Variants in SLC25A36 observed in about 807,000 individuals in gnomAD.
SLC25A36 encodes epididymis secretory sperm binding protein.
SLC25A36 carries 24 observed loss-of-function variants against 35.3 expected under a neutral mutation model. That is an observed-to-expected ratio of 0.68 (90% CI 0.49 to 0.96). The LOEUF (loss-of-function observed/expected upper bound fraction) is 0.96. Ranked by LOEUF, SLC25A36 falls within the 40% of genes least tolerant of loss-of-function variation. SLC25A36 has a pLI of 0.00. For missense variants in SLC25A36, 294 were observed against 381.1 expected, an observed-to-expected ratio of 0.77 and a Z score of 1.90; for synonymous variants, 141 against 132.2, an observed-to-expected ratio of 1.07 and a Z score of -0.46.
At chr3:140,964,222 T>C (rs1324426309) in intron 4 of SLC25A36, 1 of 151,972 alleles carries the variant, frequency 6.6e-6, no homozygotes, top group Non-Finnish European at 1.5e-5. Flanking sequence ...AAGTTTGAAA[T>C]ACAAATTTCT....
chr3:140,960,942 A>C (rs916103670), intron 3 of SLC25A36, among the ~76,000 whole-genome samples: 1 of 152,214 alleles, frequency 6.6e-6, no homozygotes, highest in African/African-American at 2.4e-5. Flanking sequence ...TGCAGTCCCT[A>C]TTAAGCCAAA....
chr3:140,969,699 A>G (rs1934852087), intron 4 of SLC25A36, among the ~76,000 whole-genome samples: 1 of 151,894 alleles, frequency 6.6e-6, no homozygotes. Context: ...TATTTTGCAT[A>G]TGTAGATACA....
At chr3:140,954,202 A>G (rs1229558732) in intron 1 of SLC25A36, among the ~76,000 whole-genome samples, 1 of 152,246 alleles carries the variant, frequency 6.6e-6, no homozygotes, top group Non-Finnish European at 1.5e-5. Flanking sequence ...TTCAATTAGC[A>G]TAATGCTTTT....
chr3:140,962,977 A>G (rs979763572), intron 3 of SLC25A36, 150 bp from the exon 4 acceptor site: 8 of 449,544 alleles, frequency 1.8e-5, no homozygotes, highest in Non-Finnish European at 3.1e-5. Flanking sequence ...CAGAGTATTT[A>G]TGAAAAGTGT....
intron 4 of SLC25A36, 132 bp from the exon 5 acceptor site, chr3:140,970,795 T>C: frequency 3.9e-6 from 2 of 509,958 alleles, no homozygotes; most frequent in Admixed American, 3.3e-5. Context: ...GTGAAAAGTG[T>C]AATATATACA....
chr3:140,954,216 A>G (rs749799920), intron 1 of SLC25A36, among the ~76,000 whole-genome samples: 1 of 152,178 alleles, frequency 6.6e-6, no homozygotes, highest in Non-Finnish European at 1.5e-5. Flanking sequence ...TGCTTTTGAG[A>G]TTTACCCAGG....
chr3:140,973,898 C>G lies in SLC25A36; in HGVS notation c.635C>G (p.Thr212Arg), dbSNP rs1450314985. The G allele has an allele frequency of 6.2e-7, 1 of 1,612,812 alleles. No individual in the cohort carries two copies. The highest frequency in any genetic ancestry group is 2.2e-5 in the East Asian group (1 of 44,870). Reference protein sequence around the residue: ...QKLLEYKTASTMENDEESVKE... With the variant: ...QKLLEYKTASRMENDEESVKE... ...CTACTGGAATATAAGACTGCTTCTA[C>G]AATGGAAAATGATGAAGAGTCTGTG... The change falls in exon 6 of 7, where the codon ACA (threonine) becomes AGA (arginine). Residue 212 changes from threonine to arginine, a missense_variant. Thr to Arg is a moderately conservative substitution (Grantham distance 71). This residue lies in a region of SLC25A36 where 109 missense variants were observed against 179.7 expected (regional missense o/e 0.61). Coordinates refer to ENST00000324194, the MANE Select transcript of SLC25A36 (RefSeq NM_001104647.3).
chr3:140,963,993 G>A (rs913938636), intron 4 of SLC25A36: 3 of 151,868 alleles, frequency 2.0e-5, no homozygotes, highest in Non-Finnish European at 4.4e-5. Context: ...ATTTTCCATT[G>A]AAAATTCTCC....
At chr3:140,965,767 C>G (rs1934742551) in intron 4 of SLC25A36, 2 of 151,532 alleles carry the variant, frequency 1.3e-5, no homozygotes, top group African/African-American at 4.8e-5. Context: ...TAATATTTTG[C>G]CTGCCTTTTT....
chr3:140,946,952 G>T (rs1397174250), intron 1 of SLC25A36, among the ~76,000 whole-genome samples: 1 of 152,118 alleles, frequency 6.6e-6, no homozygotes, highest in African/African-American at 2.4e-5. Flanking sequence ...TGAATATAGA[G>T]AAGAAGGGAC....
chr3:140,958,990 G>T (rs1934557264), intron 2 of SLC25A36, among the ~76,000 whole-genome samples: 1 of 137,864 alleles, frequency 7.3e-6, no homozygotes, highest in East Asian at 2.1e-4. Flanking sequence ...GTGTGTGTGT[G>T]TGTGTGTGTG....
At chr3:140,943,887 T>G (rs1168923330) in intron 1 of SLC25A36, among the ~76,000 whole-genome samples, 1 of 152,192 alleles carries the variant, frequency 6.6e-6, no homozygotes, top group Non-Finnish European at 1.5e-5. Flanking sequence ...AAATATAGGT[T>G]TTCTGGTTTA....
chr3:140,952,623 A>G (rs926012636), intron 1 of SLC25A36, among the ~76,000 whole-genome samples: 4 of 152,184 alleles, frequency 2.6e-5, no homozygotes, highest in African/African-American at 7.2e-5. Context: ...AGCACTTTTT[A>G]TGTGCCACTT....
Position 140,967,112 on chromosome 3 carries a change from A to G in SLC25A36, c.386-3815A>G. On this transcript the variant is annotated intron_variant, in intron 4 of 6. Transcript: ENST00000324194. ...CCTGGGATTTTATGATAGCTGTGGA[A>G]TTAGAAGGCGGGAAATTAACTTTTA... 3 of 449,770 alleles carry G rather than the reference A, an allele frequency of 6.7e-6. No homozygotes were observed. The Admixed American group carries it at 7.1e-5, about 11-fold the overall frequency. The allele number at this position is 449,770 out of a possible 1,614,324, so 27.9% of individuals were successfully genotyped here.
At chr3:140,948,930 G>A (rs928447021) in intron 1 of SLC25A36, among the ~76,000 whole-genome samples, 1 of 152,150 alleles carries the variant, frequency 6.6e-6, no homozygotes, top group Non-Finnish European at 1.5e-5. Flanking sequence ...TTCACTTAGT[G>A]AACAATTTCT....
At chr3:140,951,301 C>T (rs773421212) in intron 1 of SLC25A36, among the ~76,000 whole-genome samples, 3 of 152,072 alleles carry the variant, frequency 2.0e-5, no homozygotes, top group African/African-American at 4.8e-5. Flanking sequence ...TAGTTTTGTT[C>T]TCTACATCAA....
At chr3:140,947,676 A>G (rs971709892) in intron 1 of SLC25A36, among the ~76,000 whole-genome samples, 3 of 152,192 alleles carry the variant, frequency 2.0e-5, no homozygotes, top group African/African-American at 7.2e-5. Flanking sequence ...ATCATCCACA[A>G]TAAGAATAAC....
At chr3:140,974,771 C>T (rs1261131330) in intron 6 of SLC25A36, among the ~76,000 whole-genome samples, 1 of 150,696 alleles carries the variant, frequency 6.6e-6, no homozygotes, top group East Asian at 2.0e-4. Flanking sequence ...TTAATATTTA[C>T]CGTCTCCATT....
At chr3:140,958,398 C>G (rs555921869) in intron 2 of SLC25A36, among the ~76,000 whole-genome samples, 95 of 152,254 alleles carry the variant, frequency 6.2e-4, no homozygotes, top group Admixed American at 1.6e-3. Flanking sequence ...ATAGTATTTG[C>G]TTGTTAATAT....
Sources: gnomAD v4.1 joint callset for allele counts (sites outside exome capture counted in the v4.1 genomes callset) on GRCh38, gnomAD v4.1.1 for gene constraint, gnomAD v4.1.1 regional missense constraint, MANE v1.5 for transcripts, NCBI Gene and HGNC (gene_info 2026-07-23, HGNC 2026-07-21) for gene names.